Variants in VIP observed in about 807,000 individuals in gnomAD.
The protein encoded by VIP is VIP peptides.
In VIP, 18 loss-of-function variants were observed where a neutral mutation model predicts 20.1. That is an observed-to-expected ratio of 0.90 (90% CI 0.62 to 1.33). The LOEUF (loss-of-function observed/expected upper bound fraction) is 1.33, where lower values mean the gene tolerates loss of function less well. Among genes scored for constraint, VIP ranks in the 40% most tolerant of loss-of-function variants. The pLI is 0.00. For missense variants in VIP, 209 were observed against 199.4 expected (o/e 1.05, Z -0.29); for synonymous variants, 70 against 68.1 (o/e 1.03, Z -0.14).
chr6:152,753,440 T>C (rs2129074303), intron 2 of VIP, among the ~76,000 whole-genome samples: 1 of 152,220 alleles, frequency 6.6e-6, no homozygotes, highest in East Asian at 1.9e-4. Context: ...TCCATAAATA[T>C]AGTCATATTC....
At chr6:152,751,354 G>T (rs899780140) in intron 1 of VIP, among the ~76,000 whole-genome samples, 2 of 151,888 alleles carry the variant, frequency 1.3e-5, no homozygotes, top group East Asian at 3.9e-4. Context: ...GTGAATCTAA[G>T]ATGCATTTAT....
rs929649613 is a variant in VIP at position 152,756,239 on chromosome 6, G to C, written c.441G>C (p.Leu147Phe). 7 of 1,610,586 alleles carry C rather than the reference G, an allele frequency of 4.3e-6. No homozygotes were observed. The East Asian group carries it at 1.6e-4, about 36-fold the overall frequency. ...LRKQMAVKKY[L>F]NSILNGKRSS... Reference sequence around the variant, plus strand: ...AACAAATGGCTGTAAAGAAATATTTGAACTCAATTCTGAATGGAAAGAGGA... The same window carrying C: ...AACAAATGGCTGTAAAGAAATATTTCAACTCAATTCTGAATGGAAAGAGGA... The change falls in exon 5 of 7, where the codon TTG becomes TTC. Residue 147 changes from leucine (L) to phenylalanine (F), a missense_variant. Coordinates refer to ENST00000367244, the MANE Select transcript of VIP (RefSeq NM_003381.4).
chr6:152,754,585 T>C (rs1479050682), intron 3 of VIP, among the ~76,000 whole-genome samples: 1 of 152,022 alleles, frequency 6.6e-6, no homozygotes, highest in Non-Finnish European at 1.5e-5. Flanking sequence ...GCATTTAGCA[T>C]TCCAATGATG....
intron 3 of VIP, 75 bp from the exon 4 acceptor site, chr6:152,755,194 T>G: frequency 1.1e-6 from 1 of 940,462 alleles, no homozygotes; most frequent in South Asian, 2.0e-5. Flanking sequence ...AATTTTTTTG[T>G]TATTTAATAA....
chr6:152,751,075 C>G (rs958061920), intron 1 of VIP, 116 bp downstream of exon 1: 1 of 152,134 alleles, frequency 6.6e-6, no homozygotes, highest in Non-Finnish European at 1.5e-5. Context: ...GCTTTTGCAA[C>G]AGCAAAAAAC....
chr6:152,751,700 A>G (rs1197165970), intron 1 of VIP, among the ~76,000 whole-genome samples: 1 of 152,176 alleles, frequency 6.6e-6, no homozygotes, highest in African/African-American at 2.4e-5. Flanking sequence ...ATATATACAC[A>G]TTATATTTAT....
intron 6 of VIP, among the ~76,000 whole-genome samples, chr6:152,758,481 G>A (rs192444701): frequency 3.9e-5 from 6 of 151,994 alleles, no homozygotes; most frequent in African/African-American, 1.4e-4. Flanking sequence ...TTATAAGAAG[G>A]CTTCTCCATC....
At chr6:152,756,711 G>A (rs1399925186) in intron 5 of VIP, among the ~76,000 whole-genome samples, 10 of 151,794 alleles carry the variant, frequency 6.6e-5, no homozygotes, top group Admixed American at 6.6e-4. Flanking sequence ...TAAACCATTA[G>A]GTATTTTGTA....
In VIP at chr6:152,754,200, G is replaced by T. The variant is rs2099730074; in HGVS notation, c.142G>T (p.Glu48Ter). 1.2e-6 allele frequency: 2 copies of T among 1,611,458 alleles called. No individual in the cohort carries two copies. The highest frequency in any genetic ancestry group is 1.1e-5 in the South Asian group (1 of 90,698). ...CAGAATACCCTTTGAGGGAGCAAAT[G>T]AACCTGATCAAGTTTCATTAAAAGA... Reference protein sequence around the residue: ...GDRIPFEGANEPDQVSLKEDI... With the variant: ...GDRIPFEGAN The change falls in exon 3 of 7, where the codon GAA becomes TAA. Residue 48 changes from glutamate (E) to a stop codon, truncating the protein, a stop_gained. Coordinates refer to ENST00000367244, the MANE Select transcript of VIP (RefSeq NM_003381.4). LOFTEE classifies it high-confidence loss of function.
rs930320568 is a variant in VIP at position 152,759,366 on chromosome 6, A to G, written c.*500A>G. ...CAAAATGTCTAAGATAGTAACAATG[A>G]AGATAAAAAGACATTCTTCCAAAAA... On this transcript the variant is annotated 3_prime_UTR_variant, in exon 7 of 7. Coordinates refer to ENST00000367244, the MANE Select transcript of VIP (RefSeq NM_003381.4). The G allele has an allele frequency of 2.0e-5, 3 of 152,034 alleles. No homozygotes were observed. Among genetic ancestry groups the G allele is most frequent in the African/African-American group, 7.2e-5 (3 of 41,418 alleles). The allele number at this position is 152,034 out of a possible 1,614,324, so 9.4% of individuals were successfully genotyped here.
chr6:152,750,993 C>G (rs927692966), intron 1 of VIP, 34 bp downstream of exon 1: 1 of 152,126 alleles, frequency 6.6e-6, no homozygotes, highest in Non-Finnish European at 1.5e-5. Flanking sequence ...TCTTCTTTTT[C>G]CCTCCTGCCT....
intron 6 of VIP, 34 bp downstream of exon 6, chr6:152,757,218 A>T (rs967593830): frequency 7.1e-7 from 1 of 1,399,286 alleles, no homozygotes; most frequent in Non-Finnish European, 1.0e-6. Flanking sequence ...CTGTATTCTT[A>T]TGGCTGTCTC....
rs545112651 is a variant in VIP, at chr6:152,758,968, T to G, written c.*102T>G. On this transcript the variant is annotated 3_prime_UTR_variant, in exon 7 of 7. Transcript: ENST00000367244. ...AAATTTTGAGTTCTACATAAGTAAT[T>G]CAAGAAAACAACTTCAATATCCAAA... 125 of 152,574 alleles carry G rather than the reference T, an allele frequency of 8.2e-4. 1 individual carries two copies. Among genetic ancestry groups the G allele is most frequent in the African/African-American group, 2.8e-3 (116 of 41,556 alleles). The allele number at this position is 152,574 out of a possible 1,614,324, so 9.5% of individuals were successfully genotyped here. A position where few individuals can be genotyped will look rare whatever the true frequency, so the allele number is the denominator to read the frequency against.
Position 152,757,105 on chromosome 6 carries a change from A to G in VIP, c.477A>G (p.Gly159=). Residue 159 remains glycine (G), a synonymous_variant, in exon 6 of 7, where the codon GGA becomes GGG. Transcript: ENST00000367244. ...TTTTTCTGGTCTGCAGCAGTGAGGG[A>G]GAATCTCCCGACTTTCCAGAAGAGT... The part of the protein sequence containing the change: ...SILNGKRSSE[G]ESPDFPEELE... The G allele has an allele frequency of 6.2e-7, 1 of 1,611,934 alleles. No individual in the cohort carries two copies. Among genetic ancestry groups the G allele is most frequent in the African/African-American group, 1.3e-5 (1 of 74,936 alleles).
At chr6:152,754,911 G>A (rs989909322) in intron 3 of VIP, among the ~76,000 whole-genome samples, 1 of 151,876 alleles carries the variant, frequency 6.6e-6, no homozygotes, top group African/African-American at 2.4e-5. Flanking sequence ...CAGTGGGGCA[G>A]ACACAAAGCA....
rs1166956266 is a variant in VIP at position 152,754,570 on chromosome 6, G to A, written c.230+282G>A. Among the ~76,000 whole-genome samples the A allele has an allele frequency of 2.0e-5, 3 of 151,898 alleles. No homozygotes were observed. In the East Asian group the frequency reaches 5.8e-4, roughly 29 times the overall value. On this transcript the variant is annotated intron_variant, in intron 3 of 6. Transcript: ENST00000367244. ...ACAGATTGTACCAATTCTGATAAAAGTACAGCATTTAGCATTCCAATGATG... is the reference window on the plus strand; with the variant it reads ...ACAGATTGTACCAATTCTGATAAAAATACAGCATTTAGCATTCCAATGATG...
In VIP at chr6:152,752,183, C is replaced by T. The variant is rs374093404; in HGVS notation, c.6C>T (p.Asp2=). The T allele has an allele frequency of 1.9e-6, 3 of 1,613,066 alleles. No individual in the cohort carries two copies. In the African/African-American group the frequency reaches 4.0e-5, roughly 22 times the overall value. Residue 2 remains aspartate (D), a synonymous_variant, in exon 2 of 7, where the codon GAC becomes GAT. Coordinates refer to ENST00000367244, the MANE Select transcript of VIP (RefSeq NM_003381.4). The stretch of plus-strand genomic sequence containing the variant: ...CTCTCTTTAGAGGCACAGAAATGGA[C>T]ACCAGAAATAAGGCCCAGCTCCTTG... M[D]TRNKAQLLVL...
In VIP at chr6:152,756,196, A is replaced by C. The variant is rs758971550; in HGVS notation, c.398A>C (p.Asn133Thr). The change falls in exon 5 of 7, where the codon AAC (asparagine) becomes ACC (threonine). Residue 133 changes from asparagine to threonine, a missense_variant. By Grantham distance (65) the Asn-to-Thr change is moderately conservative. Transcript: ENST00000367244. The part of the protein sequence containing the change: ...KRHSDAVFTD[N>T]YTRLRKQMAV... ...CACTCAGATGCAGTCTTCACTGACAACTATACCCGCCTTAGAAAACAAATG... is the reference window on the plus strand; with the variant it reads ...CACTCAGATGCAGTCTTCACTGACACCTATACCCGCCTTAGAAAACAAATG... The C allele has an allele frequency of 6.2e-7, 1 of 1,611,888 alleles. No individual in the cohort carries two copies. Among genetic ancestry groups the C allele is most frequent in the African/African-American group, 1.3e-5 (1 of 74,780 alleles).
intron 2 of VIP, 56 bp from the exon 3 acceptor site, chr6:152,754,110 T>C: frequency 1.3e-6 from 2 of 1,576,870 alleles, no homozygotes; most frequent in Non-Finnish European, 1.7e-6. Context: ...TGCGGAACCA[T>C]ACACACTGTC....
Sources: gnomAD v4.1 joint callset for allele counts (sites outside exome capture counted in the v4.1 genomes callset) on GRCh38, gnomAD v4.1.1 for gene constraint, MANE v1.5 for transcripts, NCBI Gene and HGNC (gene_info 2026-07-23, HGNC 2026-07-21) for gene names.